The following WDR72 variants were observed in gnomAD, a reference collection of about 807,000 sequenced individuals.
WDR72 encodes WD repeat domain 72.
Under a neutral mutation model 124.2 loss-of-function variants are expected in WDR72, and 120 were observed. The observed-to-expected ratio is 0.97, with a 90% CI of 0.83 to 1.12. The LOEUF is 1.12. Ranked by LOEUF, WDR72 falls within the 50% of genes most tolerant of loss-of-function variation. WDR72 has a pLI of 0.00. For missense variants in WDR72, 1,387 were observed against 1,278.8 expected (o/e 1.08, Z -1.29); for synonymous variants, 452 against 441.7 (o/e 1.02, Z -0.29).
At chr15:53,739,882 G>A (rs1370450348) in intron 1 of WDR72, among the ~76,000 whole-genome samples, 1 of 152,142 alleles carries the variant, frequency 6.6e-6, no homozygotes, top group African/African-American at 2.4e-5. Context: ...TTTGGCTCTT[G>A]TCCAAGGACT....
At chr15:53,712,923 G>A in intron 6 of WDR72, 32 bp from the exon 7 acceptor site, 2 of 1,610,948 alleles carry the variant, frequency 1.2e-6, no homozygotes, top group Non-Finnish European at 1.7e-6. Flanking sequence ...TTTAGTACTA[G>A]TTCCAGGTAA....
chr15:53,671,525 G>A (rs750752430), intron 13 of WDR72, among the ~76,000 whole-genome samples: 13 of 152,162 alleles, frequency 8.5e-5, no homozygotes, highest in Non-Finnish European at 1.5e-4. Context: ...AATATTCACC[G>A]AAGAAATTGA....
chr15:53,519,370 A>C (rs1177373634), intron 19 of WDR72, among the ~76,000 whole-genome samples: 2 of 152,072 alleles, frequency 1.3e-5, no homozygotes, highest in Non-Finnish European at 2.9e-5. Flanking sequence ...CCAAAGAAAG[A>C]AAGCCTAATG....
At chr15:53,567,220 C>G (rs1894333744) in intron 18 of WDR72, among the ~76,000 whole-genome samples, 1 of 151,992 alleles carries the variant, frequency 6.6e-6, no homozygotes, top group Non-Finnish European at 1.5e-5. Context: ...CCTGTAAATC[C>G]TTCCAGGAGT....
intron 14 of WDR72, among the ~76,000 whole-genome samples, chr15:53,617,068 A>C (rs984070546): frequency 9.9e-5 from 15 of 152,076 alleles, no homozygotes; most frequent in African/African-American, 2.9e-4. Context: ...ATGTTTGTTG[A>C]ATTAATAATT....
intron 19 of WDR72, among the ~76,000 whole-genome samples, chr15:53,519,985 C>T: frequency 6.6e-6 from 1 of 152,080 alleles, no homozygotes; most frequent in South Asian, 2.1e-4. Context: ...TATATAAATT[C>T]AAGCAACTTG....
Position 53,622,015 on chromosome 15 carries a change from T to C in WDR72, c.1963-5772A>G, listed in dbSNP as rs570154842. 5.7e-4 allele frequency among the ~76,000 whole-genome samples: 86 copies of C among 152,002 alleles called. 1 individual carries two copies. The South Asian group carries it at 0.016, about 29-fold the overall frequency. On this transcript the variant is annotated intron_variant, in intron 14 of 19. Coordinates refer to ENST00000360509, the MANE Select transcript of WDR72 (RefSeq NM_182758.4). The stretch of plus-strand genomic sequence containing the variant: ...AAGACATTCGTGTGGTCAATAAACA[T>C]ATGAAAAAAGCTCATAATCACTGAT...
chr15:53,720,360 T>C (rs2017843209), intron 3 of WDR72, among the ~76,000 whole-genome samples: 2 of 152,194 alleles, frequency 1.3e-5, no homozygotes, highest in South Asian at 4.1e-4. Flanking sequence ...TGTGAATGGG[T>C]GTATATAAAT....
At chr15:53,647,730 G>C (rs570853199) in intron 14 of WDR72, among the ~76,000 whole-genome samples, 2 of 152,048 alleles carry the variant, frequency 1.3e-5, no homozygotes, top group African/African-American at 2.4e-5. Context: ...TAATAAACTT[G>C]AGTTGTTTTA....
intron 14 of WDR72, among the ~76,000 whole-genome samples, chr15:53,625,181 G>C (rs960007598): frequency 9.2e-5 from 14 of 152,256 alleles, no homozygotes; most frequent in African/African-American, 3.4e-4. Flanking sequence ...TAAAAGTCTA[G>C]AACAAGTAAT....
chr15:53,560,379 C>T (rs74883516), intron 18 of WDR72, among the ~76,000 whole-genome samples: 2,234 of 151,892 alleles, frequency 0.015, 57 homozygotes, highest in African/African-American at 0.051. Context: ...GACAGAATAC[C>T]GCACTGGTTA....
At chr15:53,728,517 G>T (rs2018108847) in intron 2 of WDR72, among the ~76,000 whole-genome samples, 1 of 152,140 alleles carries the variant, frequency 6.6e-6, no homozygotes, top group East Asian at 1.9e-4. Context: ...TAAGTCATTT[G>T]CCCAGTATCA....
At chr15:53,534,686 G>C (rs73406205) in intron 18 of WDR72, among the ~76,000 whole-genome samples, 5,536 of 152,136 alleles carry the variant, frequency 0.036, 259 homozygotes, top group African/African-American at 0.11. Flanking sequence ...TATATAAAAT[G>C]TGTCTCCATG....
intron 18 of WDR72, among the ~76,000 whole-genome samples, chr15:53,529,165 T>TATATA (rs1555404361): frequency 0.064 from 5,675 of 88,464 alleles, 372 homozygotes; most frequent in African/African-American, 0.22. Context: ...TATATATATA[T>TATATA]TTTTTTTTTT....
At chr15:53,526,448 G>A (rs1250340408) in intron 18 of WDR72, among the ~76,000 whole-genome samples, 2 of 152,032 alleles carry the variant, frequency 1.3e-5, no homozygotes, top group Non-Finnish European at 2.9e-5. Flanking sequence ...TGTTAAAGCT[G>A]CTGCCTACTT....
chr15:53,702,560 A>G (rs547216766), intron 11 of WDR72, among the ~76,000 whole-genome samples: 1 of 152,292 alleles, frequency 6.6e-6, no homozygotes, highest in African/African-American at 2.4e-5. Flanking sequence ...ATGAAGCACT[A>G]CAGTTAGTTG....
At chr15:53,746,476 C>A (rs1030646348) in intron 1 of WDR72, among the ~76,000 whole-genome samples, 1 of 152,128 alleles carries the variant, frequency 6.6e-6, no homozygotes. Flanking sequence ...AACATCCTAA[C>A]CAGAATAAAC....
At chr15:53,520,597 A>G (rs1891738470) in intron 19 of WDR72, among the ~76,000 whole-genome samples, 1 of 151,994 alleles carries the variant, frequency 6.6e-6, no homozygotes, top group South Asian at 2.1e-4. Flanking sequence ...TCACCACCTA[A>G]AAACCCCAAA....
chr15:53,662,042 T>G (rs1156845120), intron 14 of WDR72, among the ~76,000 whole-genome samples: 1 of 152,218 alleles, frequency 6.6e-6, no homozygotes, highest in Non-Finnish European at 1.5e-5. Context: ...GTTTTTACCT[T>G]AAAATATCAT....
Sources: allele counts gnomAD v4.1 joint callset (sites outside exome capture counted in the v4.1 genomes callset), GRCh38; gene constraint gnomAD v4.1.1; transcripts MANE v1.5; gene names NCBI Gene and HGNC (gene_info 2026-07-23, HGNC 2026-07-21).